ABCA4: variants seen among roughly 807,000 people sequenced by gnomAD.
The protein encoded by ABCA4 is retinal-specific phospholipid-transporting ATPase ABCA4.
In ABCA4, 196 loss-of-function variants were observed where a neutral mutation model predicts 263.7. The ratio of observed to expected loss-of-function variants is 0.74; its 90% CI spans 0.66 to 0.84. The LOEUF (loss-of-function observed/expected upper bound fraction) is 0.84, where lower values mean the gene tolerates loss of function less well. ABCA4 is among the 40% of genes least tolerant of loss of function. The probability of loss-of-function intolerance (pLI) is 0.00; values close to 1 mark genes in which losing one functional copy is unlikely to be tolerated. For missense variants in ABCA4, 2,792 were observed against 2,855.1 expected (o/e 0.98, Z 0.50); for synonymous variants, 1,133 against 1,094.2 (o/e 1.04, Z -0.70).
rs779634080 is a variant in ABCA4, at chr1:94,062,548, T to A, written c.1937+29A>T. 7.1e-6 allele frequency: 10 copies of A among 1,406,906 alleles called. No individual in the cohort carries two copies. In the South Asian group the frequency reaches 9.1e-5, roughly 13 times the overall value. The allele number at this position is 1,406,906 out of a possible 1,614,324, so 87.2% of individuals were successfully genotyped here. ...CTCCAGCACCCCCATTAGCGTGTCA[T>A]GGAGGAGGATCGCGAACTTCAGACT... is the stretch of plus-strand genomic sequence containing the variant. On this transcript the variant is annotated intron_variant, in intron 13 of 49. Transcript: ENST00000370225.
At position 93,992,975 on chromosome 1, in the gene ABCA4, G is replaced by C. The variant is rs962741221; in HGVS notation, c.*262C>G. On this transcript the variant is annotated 3_prime_UTR_variant, in exon 50 of 50. Coordinates refer to ENST00000370225, the MANE Select transcript of ABCA4 (RefSeq NM_000350.3). ...CAAAGCTGCTAGTGGGATGGCCCGG[G>C]GTTTCTAGTTCTGGGGTCTGGAGAA... 2.9e-5 allele frequency: 16 copies of C among 547,656 alleles called. No homozygotes were observed. Among genetic ancestry groups the C allele is most frequent in the African/African-American group, 2.8e-4 (15 of 52,714 alleles). 33.9% of individuals were successfully genotyped at this position (547,656 alleles called of 1,614,324 possible).
rs375681964 is a variant in ABCA4, at chr1:94,118,202, C to T, written c.66+2778G>A. The stretch of plus-strand genomic sequence containing the variant: ...GAGAGGCCTCTCTCGTGGAACTGTT[C>T]GGAGAGTTCAGGGAGGTGATGCACT... On this transcript the variant is annotated intron_variant, in intron 1 of 49. Coordinates refer to ENST00000370225, the MANE Select transcript of ABCA4 (RefSeq NM_000350.3). Among the ~76,000 whole-genome samples, 13 of 152,070 alleles carry T rather than the reference C, an allele frequency of 8.5e-5. No individual in the cohort carries two copies. The East Asian group carries it at 1.2e-3, about 14-fold the overall frequency.
rs563455658 is a variant in ABCA4, at chr1:94,010,535, A to G, written c.5714+265T>C. Reference sequence around the variant, plus strand: ...ATCTAATCAAAATACACATTTGGTAATTAAATGAGAAGGATTAAATATCAG... The same window carrying G: ...ATCTAATCAAAATACACATTTGGTAGTTAAATGAGAAGGATTAAATATCAG... On this transcript the variant is annotated intron_variant, in intron 40 of 49. Transcript: ENST00000370225. 140 of 577,682 alleles carry G rather than the reference A, an allele frequency of 2.4e-4. No individual in the cohort carries two copies. The African/African-American group carries it at 2.5e-3, about 10-fold the overall frequency. 35.8% of individuals were successfully genotyped at this position (577,682 alleles called of 1,614,324 possible). A position where few individuals can be genotyped will look rare whatever the true frequency, so the allele number is the denominator to read the frequency against.
At position 94,031,030 on chromosome 1, in the gene ABCA4, G is replaced by T; in HGVS notation, c.4219C>A (p.Pro1407Thr). The change falls in exon 28 of 50, where the codon CCC becomes ACC. Residue 1407 changes from proline to threonine, a missense_variant. Physicochemically the swap from Pro to Thr is conservative, Grantham distance 38 (BLOSUM62 -1). Coordinates refer to ENST00000370225, the MANE Select transcript of ABCA4 (RefSeq NM_000350.3). ...GTGTACTGCTGCCCATATATCCAGG[G>T]GTGAAGGGTCAAAGCGGGGTATTCG... ...FGEYPALTLHPWIYGQQYTFF... is the reference protein window; with the variant it reads ...FGEYPALTLHTWIYGQQYTFF... 6.2e-7 allele frequency: 1 copy of T among 1,614,052 alleles called. No homozygotes were observed. Among genetic ancestry groups the T allele is most frequent in the Non-Finnish European group, 8.5e-7 (1 of 1,180,006 alleles).
chr1:94,060,762 A>G lies in ABCA4; in HGVS notation c.1938-3T>C. 1 of 1,606,010 alleles carries G rather than the reference A, an allele frequency of 6.2e-7. No homozygotes were observed. Among genetic ancestry groups the G allele is most frequent in the Non-Finnish European group, 8.5e-7 (1 of 1,174,724 alleles). ...AGCGGTTCAGGATGATCATGAAACT[A>G]AAGCAAAAGGAGAGAAGCAGAATAG... is the stretch of plus-strand genomic sequence containing the variant. On this transcript the variant is annotated splice_region_variant and splice_polypyrimidine_tract_variant and intron_variant, in intron 13 of 49. Transcript: ENST00000370225.
At position 94,111,517 on chromosome 1, in the gene ABCA4, A is replaced by G. The variant is rs61748526; in HGVS notation, c.223T>C (p.Cys75Arg). The G allele has an allele frequency of 1.2e-6, 2 of 1,614,202 alleles. No individual in the cohort carries two copies. Among genetic ancestry groups the G allele is most frequent in the Non-Finnish European group, 8.5e-7 (1 of 1,180,012 alleles). ...TGAAAACAGGGATTGTTCACATTGCAGAAGATCCCCTGGAGCCACGGCAGC... is the reference window on the plus strand; with the variant it reads ...TGAAAACAGGGATTGTTCACATTGCGGAAGATCCCCTGGAGCCACGGCAGC... ...GMLPWLQGIF[C>R]NVNNPCFQSP... Residue 75 changes from cysteine (C) to arginine (R), a missense_variant, in exon 3 of 50, where the codon TGC becomes CGC. Coordinates refer to ENST00000370225, the MANE Select transcript of ABCA4 (RefSeq NM_000350.3).
intron 3 of ABCA4, among the ~76,000 whole-genome samples, chr1:94,109,539 G>A (rs974584580): frequency 6.6e-6 from 1 of 152,240 alleles, no homozygotes; most frequent in Admixed American, 6.5e-5. Context: ...TCAGAGATGA[G>A]CTTCTGATTG....
chr1:94,114,236 C>A (rs939441555), intron 1 of ABCA4, among the ~76,000 whole-genome samples: 3 of 152,136 alleles, frequency 2.0e-5, no homozygotes, highest in Non-Finnish European at 2.9e-5. Flanking sequence ...TAAGAACAAA[C>A]CATGTTCTGC....
At chr1:93,999,296 T>C (rs1394094717) in intron 47 of ABCA4, among the ~76,000 whole-genome samples, 3 of 152,230 alleles carry the variant, frequency 2.0e-5, no homozygotes, top group African/African-American at 7.2e-5. Flanking sequence ...TCCACCTGCC[T>C]CAGCTTCCCA....
At chr1:94,093,514 C>T (rs950795504) in intron 6 of ABCA4, among the ~76,000 whole-genome samples, 8 of 152,336 alleles carry the variant, frequency 5.3e-5, no homozygotes, top group Middle Eastern at 3.4e-3. Flanking sequence ...ACATTGTAGG[C>T]GCCTAGTGCG....
intron 11 of ABCA4, among the ~76,000 whole-genome samples, chr1:94,072,676 C>G (rs1375950222): frequency 6.6e-6 from 1 of 152,038 alleles, no homozygotes; most frequent in East Asian, 1.9e-4. Flanking sequence ...GTATGAGGAC[C>G]CATTTGTCCT....
intron 17 of ABCA4, 88 bp downstream of exon 17, chr1:94,051,545 G>C: frequency 8.3e-7 from 1 of 1,204,946 alleles, no homozygotes; most frequent in Non-Finnish European, 1.2e-6. Flanking sequence ...CGTTTACATA[G>C]AGGGCCACCT....
intron 11 of ABCA4, among the ~76,000 whole-genome samples, chr1:94,066,137 G>T (rs1225289386): frequency 6.6e-6 from 1 of 152,214 alleles, no homozygotes; most frequent in Non-Finnish European, 1.5e-5. Context: ...GTGGGGGTAG[G>T]TGGCATCTAA....
chr1:94,103,883 C>T (rs993581487), intron 4 of ABCA4, among the ~76,000 whole-genome samples: 20 of 152,174 alleles, frequency 1.3e-4, no homozygotes, highest in Admixed American at 6.5e-4. Flanking sequence ...CCTCCAGCTC[C>T]TCTCAACACC....
chr1:94,060,665 TCTCCAAGACGATG>T lies in ABCA4; in HGVS notation c.2019_2031del (p.Ser673ArgfsTer6). On this transcript the variant is annotated frameshift_variant, in exon 14 of 50. Transcript: ENST00000370225. LOFTEE classifies it high-confidence loss of function. The stretch of plus-strand genomic sequence containing the variant: ...AAGGTCTCCTTCAGTCGCAACTCCT[TCTCCAAGACGATG>T]CTCTTCACAGTCATGGAGACAGAGT... 1 of 1,614,050 alleles carries T rather than the reference TCTCCAAGACGATG, an allele frequency of 6.2e-7. No individual in the cohort carries two copies. Among genetic ancestry groups the T allele is most frequent in the Non-Finnish European group, 8.5e-7 (1 of 1,180,008 alleles).
chr1:94,038,991 T>C (rs1475572930), intron 24 of ABCA4, among the ~76,000 whole-genome samples: 2 of 152,190 alleles, frequency 1.3e-5, no homozygotes, highest in African/African-American at 4.8e-5. Flanking sequence ...AAAAGAATCA[T>C]TCAGCCATGC....
intron 11 of ABCA4, among the ~76,000 whole-genome samples, chr1:94,071,297 C>T (rs925233269): frequency 1.3e-5 from 2 of 152,222 alleles, no homozygotes; most frequent in African/African-American, 4.8e-5. Context: ...AATGAATTCA[C>T]ATCTTTTTGG....
chr1:94,052,757 C>A (rs535811453), intron 16 of ABCA4, among the ~76,000 whole-genome samples: 4 of 152,154 alleles, frequency 2.6e-5, no homozygotes, highest in African/African-American at 9.7e-5. Context: ...TGGCATAACA[C>A]AAAATATACT....
intron 6 of ABCA4, among the ~76,000 whole-genome samples, chr1:94,085,619 G>A (rs1020498589): frequency 2.6e-5 from 4 of 152,118 alleles, no homozygotes; most frequent in South Asian, 4.1e-4. Context: ...CAGTCATGTC[G>A]CTTTCCCTGC....
Sources: gnomAD v4.1 joint callset for allele counts (sites outside exome capture counted in the v4.1 genomes callset) on GRCh38, gnomAD v4.1.1 for gene constraint, MANE v1.5 for transcripts, NCBI Gene and HGNC (gene_info 2026-07-23, HGNC 2026-07-21) for gene names.